Variants in FAM222A observed in about 807,000 individuals in gnomAD.
FAM222A encodes family with sequence similarity 222 member A.
In FAM222A, 7 loss-of-function variants were observed where a neutral mutation model predicts 25.8. The ratio of observed to expected loss-of-function variants is 0.27; its 90% CI spans 0.15 to 0.51. The LOEUF (loss-of-function observed/expected upper bound fraction) is 0.51. Among genes scored for constraint, FAM222A ranks in the 20% least tolerant of loss-of-function variants. The pLI is 0.97. For missense variants in FAM222A, 573 were observed against 640.5 expected, an observed-to-expected ratio of 0.89 and a Z score of 1.14; for synonymous variants, 294 against 298.8, an observed-to-expected ratio of 0.98 and a Z score of 0.17.
chr12:109,754,489 A>C (rs1360278901), intron 2 of FAM222A, among the ~76,000 whole-genome samples: 1 of 152,232 alleles, frequency 6.6e-6, no homozygotes, highest in African/African-American at 2.4e-5. Flanking sequence ...CAAAGAGCAG[A>C]TATTTTCAGC....
chr12:109,724,097 C>A (rs559928634), intron 1 of FAM222A, among the ~76,000 whole-genome samples: 86 of 152,320 alleles, frequency 5.6e-4, no homozygotes, highest in Non-Finnish European at 1.1e-3. Flanking sequence ...TGAGAGAATT[C>A]CAGGGGACCC....
intron 1 of FAM222A, among the ~76,000 whole-genome samples, chr12:109,738,896 C>A (rs555949550): frequency 1.3e-5 from 2 of 152,382 alleles, no homozygotes; most frequent in South Asian, 4.1e-4. Flanking sequence ...GGTGCTGTGA[C>A]TTCCTCCAGG....
intron 2 of FAM222A, among the ~76,000 whole-genome samples, chr12:109,759,787 GGGAGCGGGATTCTTTGGCCTT>G (rs996654724): frequency 1.3e-5 from 2 of 152,218 alleles, no homozygotes; most frequent in African/African-American, 4.8e-5. Context: ...TCAAAGGCCT[GGGAGCGGGATTCTTTGGCCTT>G]GGAGCCGCCA....
intron 2 of FAM222A, among the ~76,000 whole-genome samples, chr12:109,760,038 G>A (rs1179204689): frequency 6.6e-6 from 1 of 152,292 alleles, no homozygotes; most frequent in Non-Finnish European, 1.5e-5. Flanking sequence ...AGAGCCAGTG[G>A]GCCAGGGGTA....
intron 1 of FAM222A, among the ~76,000 whole-genome samples, chr12:109,715,427 C>T (rs962468506): frequency 6.6e-6 from 1 of 152,228 alleles, no homozygotes; most frequent in Non-Finnish European, 1.5e-5. Context: ...CGGTAGGTTC[C>T]CCAGTGGGGG....
chr12:109,767,909 A>AT, intron 2 of FAM222A, 103 bp from the exon 3 acceptor site: 3 of 1,174,152 alleles, frequency 2.6e-6, no homozygotes, highest in Non-Finnish European at 3.6e-6. Flanking sequence ...AATAAGGAGT[A>AT]AAATGAATGG....
rs926451598 is a variant in FAM222A at position 109,714,210 on chromosome 12, CGCCGCCGCT to C, written c.-725_-717del. ...AGCTTGCGTCGCCCGCTGCCGCCGCCGCCGCCGCTGCCGCCGCCGCTGTTCGCCGGCTTC... is the reference window on the plus strand; with the variant it reads ...AGCTTGCGTCGCCCGCTGCCGCCGCCGCCGCCGCCGCTGTTCGCCGGCTTC... On this transcript the variant is annotated 5_prime_UTR_variant, in exon 1 of 3. Coordinates refer to ENST00000538780, the MANE Select transcript of FAM222A (RefSeq NM_032829.3). This position sits in a 1 kb window ranked among gnomAD's most constrained non-coding sequence, Gnocchi z 4.2. 6 of 183,240 alleles carry C rather than the reference CGCCGCCGCT, an allele frequency of 3.3e-5. No homozygotes were observed. Among genetic ancestry groups the C allele is most frequent in the South Asian group, 1.2e-4 (2 of 16,306 alleles). The allele number at this position is 183,240 out of a possible 1,614,324, so 11.4% of individuals were successfully genotyped here. A position where few individuals can be genotyped will look rare whatever the true frequency, so the allele number is the denominator to read the frequency against.
At chr12:109,724,058 G>A (rs1439418589) in intron 1 of FAM222A, among the ~76,000 whole-genome samples, 1 of 152,178 alleles carries the variant, frequency 6.6e-6, no homozygotes, top group Non-Finnish European at 1.5e-5. Context: ...CCTGCAGGGT[G>A]GTCCTGGCAA....
intron 1 of FAM222A, among the ~76,000 whole-genome samples, chr12:109,727,032 G>A (rs942856500): frequency 6.6e-6 from 1 of 152,118 alleles, no homozygotes; most frequent in Non-Finnish European, 1.5e-5. Flanking sequence ...TGCTGAAGCC[G>A]GCTCCTGCCC....
intron 1 of FAM222A, among the ~76,000 whole-genome samples, chr12:109,726,579 G>A (rs1887846818): frequency 6.6e-6 from 1 of 152,246 alleles, no homozygotes; most frequent in Non-Finnish European, 1.5e-5. Context: ...CACGCAGTAG[G>A]TGTTTGGTAA....
At chr12:109,725,770 A>G (rs1185094971) in intron 1 of FAM222A, among the ~76,000 whole-genome samples, 7 of 151,982 alleles carry the variant, frequency 4.6e-5, no homozygotes, top group Non-Finnish European at 7.4e-5. Flanking sequence ...ATTAATGCCA[A>G]TCAGGCCCGG....
chr12:109,743,308 G>T (rs1734312798), intron 1 of FAM222A, among the ~76,000 whole-genome samples: 2 of 152,208 alleles, frequency 1.3e-5, no homozygotes, highest in South Asian at 4.1e-4. Context: ...AGGAGAGTGG[G>T]TTTGGGGAAG....
intron 1 of FAM222A, among the ~76,000 whole-genome samples, chr12:109,737,746 G>A (rs1201455650): frequency 2.6e-5 from 4 of 152,160 alleles, no homozygotes; most frequent in Non-Finnish European, 5.9e-5. Flanking sequence ...TGAGAGATCA[G>A]GAGAGGGGTT....
At chr12:109,744,024 A>G in intron 1 of FAM222A, 77 bp from the exon 2 acceptor site, 2 of 1,444,048 alleles carry the variant, frequency 1.4e-6, no homozygotes, top group East Asian at 2.5e-5. Flanking sequence ...GGTTGCAGGG[A>G]GACTCCCGGG....
At chr12:109,747,309 G>A (rs11068095) in intron 2 of FAM222A, among the ~76,000 whole-genome samples, 4,507 of 152,220 alleles carry the variant, frequency 0.03, 124 homozygotes, top group South Asian at 0.076. Context: ...TGGCCAGGCT[G>A]GCCTTGAACT....
chr12:109,727,126 C>G (rs544100180), intron 1 of FAM222A, among the ~76,000 whole-genome samples: 1 of 152,144 alleles, frequency 6.6e-6, no homozygotes, highest in Admixed American at 6.5e-5. Flanking sequence ...CCTTACACCC[C>G]CTCCCCAGGG....
rs1285974881 is a variant in FAM222A at position 109,744,181 on chromosome 12, C to T, written c.35C>T (p.Pro12Leu). ...LACLQRTQNA[P>L]GQHLACPSKS... ...TGTCTGCAGAGGACCCAGAACGCCC[C>T]GGGCCAACACCTGGCCTGCCCGAGC... The change falls in exon 2 of 3, where the codon CCG becomes CTG. Residue 12 changes from proline to leucine, a missense_variant. Physicochemically the swap from Pro to Leu is moderately conservative, Grantham distance 98. Coordinates refer to ENST00000538780, the MANE Select transcript of FAM222A (RefSeq NM_032829.3). The T allele has an allele frequency of 1.1e-5, 17 of 1,613,338 alleles. No individual in the cohort carries two copies. Among genetic ancestry groups the T allele is most frequent in the Admixed American group, 5.0e-5 (3 of 60,012 alleles).
chr12:109,736,193 T>G (rs1888081338), intron 1 of FAM222A, among the ~76,000 whole-genome samples: 1 of 152,230 alleles, frequency 6.6e-6, no homozygotes, highest in Non-Finnish European at 1.5e-5. Context: ...AGCCTGGAGC[T>G]CCTTCATGTT....
chr12:109,738,050 G>GAC (rs1888134582), intron 1 of FAM222A, among the ~76,000 whole-genome samples: 1 of 152,180 alleles, frequency 6.6e-6, no homozygotes, highest in Non-Finnish European at 1.5e-5. Flanking sequence ...GAGGCATCAG[G>GAC]ACAGGAGGCA....
Sources: gnomAD v4.1 joint callset for allele counts (sites outside exome capture counted in the v4.1 genomes callset) on GRCh38, gnomAD v4.1.1 for gene constraint, Gnocchi (gnomAD v3.1) non-coding constraint, MANE v1.5 for transcripts, NCBI Gene and HGNC (gene_info 2026-07-23, HGNC 2026-07-21) for gene names.